NTRK3: variants seen among roughly 807,000 people sequenced by gnomAD.
NTRK3 encodes the protein NT-3 growth factor receptor.
NTRK3 carries 24 observed loss-of-function variants against 91.7 expected under a neutral mutation model. That is an observed-to-expected ratio of 0.26 (90% confidence interval 0.19 to 0.37). NTRK3 has a LOEUF of 0.37. Ranked by LOEUF, NTRK3 falls within the 10% of genes least tolerant of loss-of-function variation. NTRK3 has a pLI of 1.00. For synonymous variants in NTRK3, 483 were observed against 404.0 expected (o/e 1.20, Z -2.34); for missense variants, 880 against 1,068.9 (o/e 0.82, Z 2.46).
At chr15:88,158,684 G>A (rs924624632) in intron 5 of NTRK3, among the ~76,000 whole-genome samples, 2 of 152,164 alleles carry the variant, frequency 1.3e-5, no homozygotes, top group African/African-American at 4.8e-5. Context: ...TTAACCTAAG[G>A]CTAATTACCC....
At chr15:87,949,499 G>T (rs1286210555) in intron 14 of NTRK3, among the ~76,000 whole-genome samples, 3 of 151,926 alleles carry the variant, frequency 2.0e-5, no homozygotes, top group Non-Finnish European at 4.4e-5. Flanking sequence ...ACACCCTGCT[G>T]TTTCTGGAAG....
intron 17 of NTRK3, among the ~76,000 whole-genome samples, chr15:87,906,113 A>G (rs1183041929): frequency 6.6e-6 from 1 of 152,234 alleles, no homozygotes; most frequent in East Asian, 1.9e-4. Context: ...TAACTGATAA[A>G]GGCAGAATTT....
intron 14 of NTRK3, among the ~76,000 whole-genome samples, chr15:87,948,011 A>G (rs1276475967): frequency 1.3e-5 from 2 of 152,058 alleles, no homozygotes; most frequent in East Asian, 3.9e-4. Flanking sequence ...CCAGCCCTCA[A>G]AGAACTGCCC....
At chr15:88,043,614 G>C (rs913312576) in intron 13 of NTRK3, among the ~76,000 whole-genome samples, 6 of 152,174 alleles carry the variant, frequency 3.9e-5, no homozygotes, top group African/African-American at 1.4e-4. Context: ...CCAAAGCCAA[G>C]AGAATGAGAA....
chr15:88,140,125 T>C (rs1209494205), intron 6 of NTRK3, among the ~76,000 whole-genome samples: 1 of 152,068 alleles, frequency 6.6e-6, no homozygotes, highest in Non-Finnish European at 1.5e-5. Context: ...TTGGAATTCA[T>C]CCAGGAGGCA....
At chr15:88,117,499 A>C (rs1467200228) in intron 13 of NTRK3, among the ~76,000 whole-genome samples, 3 of 152,212 alleles carry the variant, frequency 2.0e-5, no homozygotes, top group East Asian at 1.9e-4. Context: ...TAGACAAAGG[A>C]GCTAGGATCT....
chr15:88,048,018 A>G (rs1379835044), intron 13 of NTRK3, among the ~76,000 whole-genome samples: 2 of 152,220 alleles, frequency 1.3e-5, no homozygotes. Context: ...GGCAGTCTAT[A>G]GAGGGGCCTA....
intron 5 of NTRK3, among the ~76,000 whole-genome samples, chr15:88,162,247 G>A (rs975903944): frequency 5.9e-5 from 9 of 152,202 alleles, no homozygotes; most frequent in Non-Finnish European, 4.4e-5. Context: ...TCTAGGCTGA[G>A]TCTCACTCCT....
intron 3 of NTRK3, among the ~76,000 whole-genome samples, chr15:88,193,491 G>A (rs2151692736): frequency 6.6e-6 from 1 of 152,252 alleles, no homozygotes; most frequent in African/African-American, 2.4e-5. Flanking sequence ...AAATGTCCTT[G>A]GCACCCAGGC....
At chr15:88,138,670 T>C (rs2042103696) in intron 6 of NTRK3, among the ~76,000 whole-genome samples, 1 of 152,216 alleles carries the variant, frequency 6.6e-6, no homozygotes, top group Non-Finnish European at 1.5e-5. Flanking sequence ...TGCCAAGCTC[T>C]TACCCAACAT....
intron 13 of NTRK3, among the ~76,000 whole-genome samples, chr15:88,087,456 C>T (rs1020210993): frequency 2.6e-5 from 4 of 152,208 alleles, no homozygotes; most frequent in African/African-American, 9.6e-5. Context: ...TCCACTGTCA[C>T]TCAGCCTCAT....
chr15:87,880,236 CCCCAAT>C, intron 18 of NTRK3, 28 bp downstream of exon 19: 1 of 1,613,494 alleles, frequency 6.2e-7, no homozygotes, highest in Non-Finnish European at 8.5e-7. Context: ...ATGAGCCCTC[CCCCAAT>C]CAAGATTCCT....
At chr15:88,254,240 C>T (rs2053756295) in intron 3 of NTRK3, among the ~76,000 whole-genome samples, 1 of 152,184 alleles carries the variant, frequency 6.6e-6, no homozygotes, top group Non-Finnish European at 1.5e-5. Flanking sequence ...CCCAGCAATG[C>T]ACTTCCAAGT....
chr15:87,881,520 C>T (rs969296786), intron 17 of NTRK3, among the ~76,000 whole-genome samples: 7 of 151,588 alleles, frequency 4.6e-5, no homozygotes, highest in African/African-American at 1.7e-4. Flanking sequence ...CCCGGGTTCA[C>T]GCCATTCTCC....
chr15:87,982,477 T>C (rs1229940040), intron 14 of NTRK3, among the ~76,000 whole-genome samples: 1 of 151,894 alleles, frequency 6.6e-6, no homozygotes, highest in African/African-American at 2.4e-5. Context: ...CCTCTGTCTG[T>C]CAACAGCTTT....
At chr15:87,946,154 G>A (rs551585002) in intron 14 of NTRK3, 3 of 152,276 alleles carry the variant, frequency 2.0e-5, no homozygotes, top group South Asian at 4.2e-4. Flanking sequence ...GCTTGCCCAG[G>A]AGTAAGCTGG....
chr15:88,035,293 C>T (rs2078973724), intron 13 of NTRK3, among the ~76,000 whole-genome samples: 1 of 152,106 alleles, frequency 6.6e-6, no homozygotes, highest in Admixed American at 6.5e-5. Context: ...TGCCCCGCCC[C>T]CACTATCACC....
At chr15:88,165,496 A>G (rs1482544023) in intron 5 of NTRK3, among the ~76,000 whole-genome samples, 1 of 152,186 alleles carries the variant, frequency 6.6e-6, no homozygotes, top group African/African-American at 2.4e-5. Flanking sequence ...TCCTTGCTAT[A>G]AGGACTTTTC....
intron 3 of NTRK3, among the ~76,000 whole-genome samples, chr15:88,222,534 C>T (rs1376776906): frequency 6.6e-6 from 1 of 152,216 alleles, no homozygotes; most frequent in Non-Finnish European, 1.5e-5. Flanking sequence ...GAGCACATTT[C>T]TAGAACATTT....
Sources: gnomAD v4.1 joint callset for allele counts (sites outside exome capture counted in the v4.1 genomes callset) on GRCh38, gnomAD v4.1.1 for gene constraint, MANE v1.5 for transcripts, NCBI Gene and HGNC (gene_info 2026-07-23, HGNC 2026-07-21) for gene names.